Variants in CELF5 observed in about 807,000 individuals in gnomAD.
The protein encoded by CELF5 is CUG-BP and ETR-3 like factor 5.
A neutral mutation model predicts 54.9 loss-of-function variants in CELF5; 6 were observed. The observed-to-expected ratio is 0.11, with a 90% CI of 0.06 to 0.22. The LOEUF (loss-of-function observed/expected upper bound fraction) is 0.22, where lower values mean the gene tolerates loss of function less well. Ranked by LOEUF, CELF5 falls within the 10% of genes least tolerant of loss-of-function variation. CELF5 has a pLI of 1.00. For synonymous variants in CELF5, 271 were observed against 290.9 expected (o/e 0.93, Z 0.70); for missense variants, 401 against 678.6 (o/e 0.59, Z 4.54).
intron 12 of CELF5, 142 bp downstream of exon 12, chr19:3,293,628 C>A: frequency 1.4e-6 from 1 of 706,650 alleles, no homozygotes; most frequent in Non-Finnish European, 2.3e-6. Flanking sequence ...GTTGGGTTGG[C>A]GGGGACAGAG....
Position 3,278,120 on chromosome 19 carries a change from A to T in CELF5, c.603+10A>T. On this transcript the variant is annotated intron_variant, in intron 5 of 12. Transcript: ENST00000292672. This position sits in a 1 kb window ranked among gnomAD's most constrained non-coding sequence, Gnocchi z 4.5. ...GAGCCAGACCATGCCGGTGAGTTGG[A>T]GCTGCCCTTGGCCGTGGGGGTGGGG... The T allele has an allele frequency of 7.3e-7, 1 of 1,363,620 alleles. No homozygotes were observed. 84.5% of individuals were successfully genotyped at this position (1,363,620 alleles called of 1,614,324 possible).
At chr19:3,252,313 G>A (rs1011738109) in intron 2 of CELF5, among the ~76,000 whole-genome samples, 1 of 152,166 alleles carries the variant, frequency 6.6e-6, no homozygotes, top group African/African-American at 2.4e-5. Flanking sequence ...GGGATTACAG[G>A]TGTGAGCCAG....
At chr19:3,241,542 G>A (rs1175360654) in intron 1 of CELF5, among the ~76,000 whole-genome samples, 1 of 152,036 alleles carries the variant, frequency 6.6e-6, no homozygotes, top group East Asian at 1.9e-4. Flanking sequence ...TGCCTCTGGT[G>A]CCCTTGCCAT....
At chr19:3,259,776 G>A (rs974293051) in intron 2 of CELF5, among the ~76,000 whole-genome samples, 7 of 151,452 alleles carry the variant, frequency 4.6e-5, no homozygotes, top group Admixed American at 1.3e-4. Flanking sequence ...TTGTCACGAC[G>A]TGGGGGTGCT....
chr19:3,289,776 T>C (rs1335967412), intron 10 of CELF5, among the ~76,000 whole-genome samples: 4 of 149,574 alleles, frequency 2.7e-5, no homozygotes, highest in African/African-American at 9.9e-5. Flanking sequence ...TTAGAGACAT[T>C]ATTATTATTA....
In CELF5 at chr19:3,276,341, G is replaced by C. The variant is rs565776739; in HGVS notation, c.523+357G>C. On this transcript the variant is annotated intron_variant, in intron 4 of 12. Coordinates refer to ENST00000292672, the MANE Select transcript of CELF5 (RefSeq NM_021938.4). ...GCAGGGGTGGGGAGGAGCTGGCTCTGAGGATGTAGCCCTGGAGAGGCCCGA... is the reference window on the plus strand; with the variant it reads ...GCAGGGGTGGGGAGGAGCTGGCTCTCAGGATGTAGCCCTGGAGAGGCCCGA... 1.5e-4 allele frequency among the ~76,000 whole-genome samples: 22 copies of C among 150,960 alleles called. No individual in the cohort carries two copies. In the East Asian group the frequency reaches 3.7e-3, roughly 26 times the overall value.
At chr19:3,276,733 C>T (rs2080061242) in intron 4 of CELF5, among the ~76,000 whole-genome samples, 1 of 144,918 alleles carries the variant, frequency 6.9e-6, no homozygotes, top group Non-Finnish European at 1.6e-5. Flanking sequence ...TGGGGAAGGG[C>T]AAGGCTTCTC....
At chr19:3,274,641 G>C (rs2080018242) in intron 3 of CELF5, among the ~76,000 whole-genome samples, 1 of 152,202 alleles carries the variant, frequency 6.6e-6, no homozygotes, top group Non-Finnish European at 1.5e-5. Flanking sequence ...ATACTCAGCT[G>C]TTCCCATGGG....
At chr19:3,226,992 C>T (rs1916960819) in intron 1 of CELF5, among the ~76,000 whole-genome samples, 1 of 151,992 alleles carries the variant, frequency 6.6e-6, no homozygotes, top group Non-Finnish European at 1.5e-5. Context: ...TGCGGGCTTT[C>T]CTTGGAGGGT....
chr19:3,280,864 AGGTGC>A (rs1468173735), intron 5 of CELF5, among the ~76,000 whole-genome samples: 2 of 152,124 alleles, frequency 1.3e-5, no homozygotes, highest in Non-Finnish European at 2.9e-5. Context: ...CGGAAGTCAT[AGGTGC>A]CTCCAGCTGT....
chr19:3,288,393 A>T (rs1389936081), intron 10 of CELF5, among the ~76,000 whole-genome samples: 2 of 151,982 alleles, frequency 1.3e-5, no homozygotes, highest in Non-Finnish European at 2.9e-5. Flanking sequence ...GTGGTGACGC[A>T]TGCCTGTAAT....
intron 2 of CELF5, among the ~76,000 whole-genome samples, chr19:3,267,009 A>C (rs1256752884): frequency 6.6e-6 from 1 of 152,150 alleles, no homozygotes; most frequent in Non-Finnish European, 1.5e-5. Flanking sequence ...CACGTGAGAC[A>C]CCGAGACAGC....
intron 10 of CELF5, among the ~76,000 whole-genome samples, chr19:3,289,617 G>A (rs1379315536): frequency 7.2e-6 from 1 of 139,470 alleles, no homozygotes; most frequent in African/African-American, 2.7e-5. Context: ...AGGAGGCAGA[G>A]GTTGCAGTGA....
intron 2 of CELF5, among the ~76,000 whole-genome samples, chr19:3,257,927 G>A (rs1474810404): frequency 2.0e-5 from 3 of 151,212 alleles, no homozygotes; most frequent in Non-Finnish European, 2.9e-5. Context: ...AGCCTCCCAG[G>A]TAGCTAGGAC....
intron 2 of CELF5, among the ~76,000 whole-genome samples, chr19:3,256,836 G>A (rs1354246102): frequency 1.3e-5 from 2 of 151,226 alleles, no homozygotes; most frequent in East Asian, 1.9e-4. Context: ...CTAAAGTGCT[G>A]GGATTACAGG....
chr19:3,233,229 A>G (rs1917354041), intron 1 of CELF5, among the ~76,000 whole-genome samples: 1 of 152,178 alleles, frequency 6.6e-6, no homozygotes, highest in Admixed American at 6.5e-5. Flanking sequence ...TGGAGGCTAC[A>G]GTGAGCCATG....
Position 3,245,178 on chromosome 19 carries a change from G to A in CELF5, c.260-5807G>A, listed in dbSNP as rs530983497. Among the ~76,000 whole-genome samples the A allele has an allele frequency of 4.1e-5, 6 of 144,966 alleles. No homozygotes were observed. The East Asian group carries it at 1.3e-3, about 30-fold the overall frequency. ...CTGTGTGTGTTGTGCATGTGTCTTT[G>A]CGTGTGTGTGTGGTGTGTGTTTGCA... On this transcript the variant is annotated intron_variant, in intron 1 of 12. Coordinates refer to ENST00000292672, the MANE Select transcript of CELF5 (RefSeq NM_021938.4).
intron 1 of CELF5, among the ~76,000 whole-genome samples, chr19:3,238,786 C>T (rs541735311): frequency 1.3e-4 from 20 of 152,256 alleles, no homozygotes; most frequent in Admixed American, 8.5e-4. Flanking sequence ...ACAAAATTAG[C>T]AGGGTGTGGC....
At chr19:3,244,789 T>C (rs2079541064) in intron 1 of CELF5, among the ~76,000 whole-genome samples, 1 of 150,004 alleles carries the variant, frequency 6.7e-6, no homozygotes, top group Admixed American at 6.6e-5. Context: ...GTGTGTATGG[T>C]ATTTGCATGC....
Sources: gnomAD v4.1 joint callset for allele counts (sites outside exome capture counted in the v4.1 genomes callset) on GRCh38, gnomAD v4.1.1 for gene constraint, Gnocchi (gnomAD v3.1) non-coding constraint, MANE v1.5 for transcripts, NCBI Gene and HGNC (gene_info 2026-07-23, HGNC 2026-07-21) for gene names.